TRAK1: variants seen among roughly 807,000 people sequenced by gnomAD.
The protein encoded by TRAK1 is trafficking kinesin-binding protein 1.
TRAK1 carries 33 observed loss-of-function variants against 92.1 expected under a neutral mutation model. The ratio of observed to expected loss-of-function variants is 0.36; its 90% CI spans 0.27 to 0.48. The LOEUF (loss-of-function observed/expected upper bound fraction) is 0.48. Among genes scored for constraint, TRAK1 ranks in the 20% least tolerant of loss-of-function variants. The probability of loss-of-function intolerance (pLI) is 0.99; values close to 1 mark genes in which losing one functional copy is unlikely to be tolerated. For missense variants in TRAK1, 1,123 were observed against 1,257.9 expected (o/e 0.89, Z 1.62); for synonymous variants, 521 against 517.3 (o/e 1.01, Z -0.10).
chr3:42,190,287 G>C (rs1243386279), intron 6 of TRAK1, among the ~76,000 whole-genome samples: 2 of 152,248 alleles, frequency 1.3e-5, no homozygotes, highest in Admixed American at 6.5e-5. Flanking sequence ...CTGGCCCTGG[G>C]TTCTTGAGAG....
chr3:42,182,299 C>CT (rs57384116), intron 3 of TRAK1, among the ~76,000 whole-genome samples: 483 of 144,346 alleles, frequency 3.3e-3, no homozygotes, highest in Non-Finnish European at 5.9e-3. Flanking sequence ...GCAACTCTCT[C>CT]TTTTTTTTTT....
chr3:42,110,132 A>ATATATATATATAC (rs58099544), intron 1 of TRAK1, among the ~76,000 whole-genome samples: 1 of 128,230 alleles, frequency 7.8e-6, no homozygotes, highest in African/African-American at 2.9e-5. Context: ...ATATATATAT[A>ATATATATATATAC]AACTTTGTGT....
At chr3:42,022,398 G>C (rs1701753189) in intron 1 of TRAK1, among the ~76,000 whole-genome samples, 1 of 152,332 alleles carries the variant, frequency 6.6e-6, no homozygotes, top group African/African-American at 2.4e-5. Context: ...GTTTTATACT[G>C]TATTTGAAAG....
At chr3:42,080,350 T>G (rs1175018013) in intron 1 of TRAK1, among the ~76,000 whole-genome samples, 2 of 152,142 alleles carry the variant, frequency 1.3e-5, no homozygotes, top group African/African-American at 4.8e-5. Flanking sequence ...TCAGCTTCCA[T>G]GTATACTTTA....
chr3:42,215,348 A>T (rs1033337462), intron 14 of TRAK1, among the ~76,000 whole-genome samples: 8 of 152,354 alleles, frequency 5.3e-5, no homozygotes, highest in Middle Eastern at 3.4e-3. Flanking sequence ...CAACAAAGTC[A>T]TTAGAAGCTG....
chr3:42,080,245 C>T (rs1704367156), intron 1 of TRAK1, among the ~76,000 whole-genome samples: 1 of 152,088 alleles, frequency 6.6e-6, no homozygotes, highest in African/African-American at 2.4e-5. Flanking sequence ...GTTGAACAAC[C>T]GTGCGTTAAG....
intron 6 of TRAK1, among the ~76,000 whole-genome samples, chr3:42,189,401 A>G (rs1260711900): frequency 2.0e-5 from 3 of 152,224 alleles, no homozygotes; most frequent in Non-Finnish European, 2.9e-5. Context: ...TCCTGCAGTG[A>G]GGTCTCCCAT....
At chr3:42,199,282 A>T (rs34224376) in intron 11 of TRAK1, 29 bp downstream of exon 11, 15 of 1,612,528 alleles carry the variant, frequency 9.3e-6, no homozygotes, top group Non-Finnish European at 1.3e-5. Flanking sequence ...CAGTTTTGAG[A>T]TTCCCAGAGA....
chr3:42,018,494 T>C (rs1360782198), intron 1 of TRAK1, among the ~76,000 whole-genome samples: 2 of 152,170 alleles, frequency 1.3e-5, no homozygotes, highest in Non-Finnish European at 2.9e-5. Flanking sequence ...ACAAGGATGC[T>C]CCATCACAGT....
chr3:42,064,738 T>C (rs1412773563), intron 1 of TRAK1, among the ~76,000 whole-genome samples: 2 of 152,162 alleles, frequency 1.3e-5, no homozygotes, highest in East Asian at 3.9e-4. Flanking sequence ...GGTATATTTT[T>C]AATGGGTTAA....
At chr3:42,025,680 T>TG (rs1701886438) in intron 1 of TRAK1, among the ~76,000 whole-genome samples, 1 of 10,584 alleles carries the variant, frequency 9.4e-5, no homozygotes, top group Non-Finnish European at 1.8e-4. Flanking sequence ...AGCATGAATG[T>TG]GGGGGAGGGC....
intron 2 of TRAK1, among the ~76,000 whole-genome samples, chr3:42,164,100 G>A (rs534052671): frequency 6.6e-6 from 1 of 152,346 alleles, no homozygotes; most frequent in Non-Finnish European, 1.5e-5. Flanking sequence ...AAGCTGGGCA[G>A]GACCCCATTT....
intron 1 of TRAK1, among the ~76,000 whole-genome samples, chr3:42,054,487 C>T (rs2148917744): frequency 6.6e-6 from 1 of 152,138 alleles, no homozygotes; most frequent in Admixed American, 6.5e-5. Context: ...AATAACTCAC[C>T]CCAGGTCACC....
chr3:42,223,701 G>A lies in TRAK1; in HGVS notation c.2826G>A (p.Met942Ile). ...APVTLTSGILMGAKLSKQTSL... is the reference protein window; with the variant it reads ...APVTLTSGILIGAKLSKQTSL... ...TGACTCTCACCTCGGGCATCTTGAT[G>A]GGTGCTAAGCTCTCCAAACAAACTA... Residue 942 changes from methionine to isoleucine, a missense_variant, in exon 16 of 16, where the codon ATG becomes ATA. Physicochemically the swap from Met to Ile is conservative, Grantham distance 10. This residue lies in a region of TRAK1 where 401 missense variants were observed against 438.9 expected (regional missense o/e 0.91). Transcript: ENST00000327628. This position sits in a 1 kb window ranked among gnomAD's most constrained non-coding sequence, Gnocchi z 6.1. 6.2e-7 allele frequency: 1 copy of A among 1,613,668 alleles called. No individual in the cohort carries two copies. The highest frequency in any genetic ancestry group is 8.5e-7 in the Non-Finnish European group (1 of 1,179,670).
chr3:42,143,056 A>T (rs765123750), intron 2 of TRAK1, among the ~76,000 whole-genome samples: 1 of 152,196 alleles, frequency 6.6e-6, no homozygotes, highest in Admixed American at 6.5e-5. Flanking sequence ...GTCTAACCTA[A>T]ATCTGGGCAC....
At chr3:42,151,293 T>A (rs1196041485) in intron 2 of TRAK1, 1 of 455,112 alleles carries the variant, frequency 2.2e-6, no homozygotes, top group Admixed American at 2.4e-5. Flanking sequence ...AGCGGAGGCC[T>A]GCTCTTATCT....
intron 1 of TRAK1, among the ~76,000 whole-genome samples, chr3:42,016,217 CTTTT>C (rs562121140): frequency 7.1e-6 from 1 of 141,604 alleles, no homozygotes; most frequent in African/African-American, 2.6e-5. Context: ...TTTTTTTTTT[CTTTT>C]TGAGTCAGAG....
At chr3:42,084,461 A>G (rs1192434317), upstream of TRAK1, among the ~76,000 whole-genome samples, 1 of 152,248 alleles carries the variant, frequency 6.6e-6, no homozygotes, top group Non-Finnish European at 1.5e-5. Flanking sequence ...TGTGAATTGT[A>G]AAGAGTACAG....
intron 3 of TRAK1, among the ~76,000 whole-genome samples, chr3:42,183,725 C>A (rs1704373747): frequency 6.6e-6 from 1 of 152,116 alleles, no homozygotes; most frequent in Non-Finnish European, 1.5e-5. Context: ...TCCATTCTTT[C>A]TTTCAAACCA....
Sources: gnomAD v4.1 joint callset for allele counts (sites outside exome capture counted in the v4.1 genomes callset) on GRCh38, gnomAD v4.1.1 for gene constraint, gnomAD v4.1.1 regional missense constraint, Gnocchi (gnomAD v3.1) non-coding constraint, MANE v1.5 for transcripts, NCBI Gene and HGNC (gene_info 2026-07-23, HGNC 2026-07-21) for gene names.